The following TUBGCP5 variants were observed in gnomAD, a reference collection of about 807,000 sequenced individuals.
The protein encoded by TUBGCP5 is tubulin gamma complex component 5.
Under a neutral mutation model 134.7 loss-of-function variants are expected in TUBGCP5, and 98 were observed. That is an observed-to-expected ratio of 0.73 (90% CI 0.62 to 0.86). TUBGCP5 has a LOEUF of 0.86. Among genes scored for constraint, TUBGCP5 ranks in the 40% least tolerant of loss-of-function variants. TUBGCP5 has a pLI of 0.00. For missense variants in TUBGCP5, 1,150 were observed against 1,244.8 expected (o/e 0.92, Z 1.15); for synonymous variants, 456 against 431.4 (o/e 1.06, Z -0.71).
chr15:23,035,904 C>T (rs552718084), intron 3 of TUBGCP5, among the ~76,000 whole-genome samples: 1 of 152,208 alleles, frequency 6.6e-6, no homozygotes, highest in South Asian at 2.1e-4. Flanking sequence ...AGACACAGAG[C>T]CCTATGCCTG....
chr15:23,022,090 T>G lies in TUBGCP5; in HGVS notation c.1240A>C (p.Lys414Gln). ...TCTGCTACTCCAGTACTAAACACTT[T>G]GTGCAGAACCTTGAGCTGAGACAAT... ...PRLSQLKVLH[K>Q]VFSTGVAEVP... Residue 414 changes from lysine (K) to glutamine (Q), a missense_variant, in exon 11 of 23, where the codon AAA becomes CAA. Around this residue, in one of 2 missense-constraint regions of TUBGCP5, gnomAD observed 697 missense variants for 850.1 expected, o/e 0.82. Transcript: ENST00000615383. 1.2e-6 allele frequency: 2 copies of G among 1,614,210 alleles called. No individual in the cohort carries two copies. Among genetic ancestry groups the G allele is most frequent in the Non-Finnish European group, 1.7e-6 (2 of 1,180,034 alleles).
chr15:23,005,535 C>T lies in TUBGCP5; in HGVS notation c.2609G>A (p.Gly870Glu), dbSNP rs1332443910. The T allele has an allele frequency of 6.2e-7, 1 of 1,614,126 alleles. No individual in the cohort carries two copies. Among genetic ancestry groups the T allele is most frequent in the Admixed American group, 1.7e-5 (1 of 60,020 alleles). ...CTGTCTTACTGGTTCTTTTTGTGGTCCGAACTGAGCAACTGTGTCTTGTTC... is the reference window on the plus strand; with the variant it reads ...CTGTCTTACTGGTTCTTTTTGTGGTTCGAACTGAGCAACTGTGTCTTGTTC... ...IHEQDTVAQF[G>E]PQKEPVRQQI... Residue 870 changes from glycine (G) to glutamate (E), a missense_variant, in exon 19 of 23, where the codon GGA becomes GAA. By Grantham distance (98) the Gly-to-Glu change is moderately conservative. Transcript: ENST00000615383.
At chr15:23,030,842 A>G in intron 6 of TUBGCP5, 43 bp downstream of exon 6, 1 of 1,597,098 alleles carries the variant, frequency 6.3e-7, no homozygotes, top group Non-Finnish European at 8.5e-7. Context: ...CTTCTAGGGA[A>G]TTTGTCTATT....
chr15:23,019,282 G>A lies in TUBGCP5; in HGVS notation c.1424C>T (p.Thr475Met), dbSNP rs139868545. Reference protein sequence around the residue: ...WVETVRPYLQTVDEWIVHGHL... With the variant: ...WVETVRPYLQMVDEWIVHGHL... Reference sequence around the variant, plus strand: ...CCCGTGCACGATCCACTCGTCCACCGTCTGCAGGTAAGGCCGCACCGTTTC... The same window carrying A: ...CCCGTGCACGATCCACTCGTCCACCATCTGCAGGTAAGGCCGCACCGTTTC... The change falls in exon 12 of 23, where the codon ACG becomes ATG. Residue 475 changes from threonine to methionine, a missense_variant. This residue lies in a region of TUBGCP5 where 697 missense variants were observed against 850.1 expected (regional missense o/e 0.82). Coordinates refer to ENST00000615383, the MANE Select transcript of TUBGCP5 (RefSeq NM_052903.6). The A allele has an allele frequency of 6.0e-4, 968 of 1,613,944 alleles. 1 individual carries two copies. Among genetic ancestry groups the A allele is most frequent in the Non-Finnish European group, 7.7e-4 (914 of 1,179,982 alleles).
Position 23,039,345 on chromosome 15 carries a change from C to A in TUBGCP5, c.146+53G>T, listed in dbSNP as rs141959693. Reference sequence around the variant, plus strand: ...CCGACCCCGGGCTGTGCGGGACCCACGCGCGGGCTCCGGGCTGTGGCCGGG... The same window carrying A: ...CCGACCCCGGGCTGTGCGGGACCCAAGCGCGGGCTCCGGGCTGTGGCCGGG... On this transcript the variant is annotated intron_variant, in intron 1 of 22. Coordinates refer to ENST00000615383, the MANE Select transcript of TUBGCP5 (RefSeq NM_052903.6). 12,281 of 1,311,492 alleles carry A rather than the reference C, an allele frequency of 9.4e-3. 100 individuals carry two copies. Among genetic ancestry groups the A allele is most frequent in the Non-Finnish European group, 0.01 (10,182 of 1,018,024 alleles). The allele number at this position is 1,311,492 out of a possible 1,614,324, so 81.2% of individuals were successfully genotyped here.
intron 3 of TUBGCP5, among the ~76,000 whole-genome samples, chr15:23,034,327 T>A (rs573235848): frequency 1.5e-4 from 23 of 152,140 alleles, no homozygotes; most frequent in African/African-American, 4.6e-4. Context: ...AGAGCAAGCA[T>A]CCAAACCAGA....
At chr15:22,988,604 T>C (rs113670926) in intron 23 of TUBGCP5, among the ~76,000 whole-genome samples, 6,656 of 150,132 alleles carry the variant, frequency 0.044, 384 homozygotes, top group South Asian at 0.13. Context: ...GGCGTGGTGG[T>C]GGGTGCCTGT....
rs536311108 is a variant in TUBGCP5, at chr15:23,013,381, G to C, written c.1757-2050C>G. ...GGCAGGAGAGAACCCAGGAGGCGAA[G>C]TTCGCAGTGAGCCGAGATCGCGCCG... is the stretch of plus-strand genomic sequence containing the variant. On this transcript the variant is annotated intron_variant, in intron 13 of 22. Coordinates refer to ENST00000615383, the MANE Select transcript of TUBGCP5 (RefSeq NM_052903.6). This position sits in a 1 kb window ranked among gnomAD's most constrained non-coding sequence, Gnocchi z 4.5. Among the ~76,000 whole-genome samples the C allele has an allele frequency of 6.6e-6, 1 of 151,236 alleles. No homozygotes were observed. Among genetic ancestry groups the C allele is most frequent in the African/African-American group, 2.4e-5 (1 of 41,196 alleles).
At chr15:23,018,909 A>G (rs2065494452) in intron 12 of TUBGCP5, among the ~76,000 whole-genome samples, 1 of 152,190 alleles carries the variant, frequency 6.6e-6, no homozygotes, top group Admixed American at 6.5e-5. Context: ...AAACCATATG[A>G]TATCATCTAA....
chr15:23,019,071 G>A lies in TUBGCP5; in HGVS notation c.1487+148C>T, dbSNP rs1544285. On this transcript the variant is annotated intron_variant, in intron 12 of 22. Transcript: ENST00000615383. Reference sequence around the variant, plus strand: ...TTACTGATGCCTTCCGTAAAAATGAGATAGAACTTGCCTATGATGACGACA... The same window carrying A: ...TTACTGATGCCTTCCGTAAAAATGAAATAGAACTTGCCTATGATGACGACA... The A allele has an allele frequency of 0.67, 351,937 of 524,640 alleles. 120,788 individuals carry two copies. Among genetic ancestry groups the A allele is most frequent in the African/African-American group, 0.92 (47,780 of 52,058 alleles). 32.5% of individuals were successfully genotyped at this position (524,640 alleles called of 1,614,324 possible). A position where few individuals can be genotyped will look rare whatever the true frequency, so the allele number is the denominator to read the frequency against.
In TUBGCP5 at chr15:23,037,087, A is replaced by C; in HGVS notation, c.200+12T>G. 1 of 1,613,394 alleles carries C rather than the reference A, an allele frequency of 6.2e-7. No homozygotes were observed. Among genetic ancestry groups the C allele is most frequent in the African/African-American group, 1.3e-5 (1 of 75,048 alleles). On this transcript the variant is annotated intron_variant, in intron 2 of 22. Coordinates refer to ENST00000615383, the MANE Select transcript of TUBGCP5 (RefSeq NM_052903.6). ...TATATTTCTGGATGCGTATATATAC[A>C]CACTGACTTACCCTTCGATTGTTTT...
At chr15:23,004,026 A>G (rs1171457135) in intron 20 of TUBGCP5, 76 bp downstream of exon 20, 2 of 1,504,748 alleles carry the variant, frequency 1.3e-6, no homozygotes, top group African/African-American at 1.4e-5. Flanking sequence ...AAGCTTAATC[A>G]TCATAAAATT....
chr15:23,021,145 A>T (rs183222145), intron 11 of TUBGCP5, among the ~76,000 whole-genome samples: 1 of 151,952 alleles, frequency 6.6e-6, no homozygotes, highest in Non-Finnish European at 1.5e-5. Flanking sequence ...TACTTTAAAA[A>T]TTTTTTGTAG....
At chr15:22,996,607 T>C (rs1228219528), downstream of TUBGCP5, among the ~76,000 whole-genome samples, 1 of 152,172 alleles carries the variant, frequency 6.6e-6, no homozygotes, top group Non-Finnish European at 1.5e-5. Flanking sequence ...TGCCTCAGCC[T>C]TCCCAGAGTA....
intron 1 of TUBGCP5, 142 bp from the exon 2 acceptor site, chr15:23,037,294 C>A: frequency 1.3e-6 from 1 of 763,338 alleles, no homozygotes. Context: ...TCCGTTACCT[C>A]CACCATCAGG....
At chr15:23,034,837 A>G (rs184868541) in intron 3 of TUBGCP5, among the ~76,000 whole-genome samples, 5 of 151,852 alleles carry the variant, frequency 3.3e-5, no homozygotes, top group African/African-American at 7.3e-5. Flanking sequence ...AAAAAACAAA[A>G]AAACAAACAA....
At chr15:23,034,496 G>T (rs1349320542) in intron 3 of TUBGCP5, among the ~76,000 whole-genome samples, 1 of 152,204 alleles carries the variant, frequency 6.6e-6, no homozygotes, top group African/African-American at 2.4e-5. Flanking sequence ...GTGTTCCAAT[G>T]AAAAATAAAG....
In TUBGCP5 at chr15:23,024,830, C is replaced by A; in HGVS notation, c.828G>T (p.Trp276Cys). The A allele has an allele frequency of 6.4e-7, 1 of 1,550,416 alleles. No individual in the cohort carries two copies. Among genetic ancestry groups the A allele is most frequent in the Non-Finnish European group, 8.8e-7 (1 of 1,131,306 alleles). Residue 276 changes from tryptophan (W) to cysteine (C), a missense_variant and splice_region_variant, in exon 9 of 23, where the codon TGG becomes TGT. Physicochemically the swap from Trp to Cys is radical, Grantham distance 215 (BLOSUM62 -2). This residue lies in a region of TUBGCP5 where 453 missense variants were observed against 394.7 expected (regional missense o/e 1.15). Coordinates refer to ENST00000615383, the MANE Select transcript of TUBGCP5 (RefSeq NM_052903.6). ...AGAGCTTTTTCACTCCTGAAAGTAA[C>A]CTGAAATGAGATTAAAAAAAGACGA... ...TETQVIRETL[W>C]LLSGVKKLFI...
chr15:22,992,135 C>T, intron 23 of TUBGCP5, among the ~76,000 whole-genome samples: 1 of 152,226 alleles, frequency 6.6e-6, no homozygotes, highest in Non-Finnish European at 1.5e-5. Context: ...CTCCAGGGCT[C>T]AACTTCCTCC....
Sources: gnomAD v4.1 joint callset for allele counts (sites outside exome capture counted in the v4.1 genomes callset) on GRCh38, gnomAD v4.1.1 for gene constraint, gnomAD v4.1.1 regional missense constraint, Gnocchi (gnomAD v3.1) non-coding constraint, MANE v1.5 for transcripts, NCBI Gene and HGNC (gene_info 2026-07-23, HGNC 2026-07-21) for gene names.